The following RCOR1 variants were observed in gnomAD, a reference collection of about 807,000 sequenced individuals.
The protein encoded by RCOR1 is REST corepressor.
A neutral mutation model predicts 64.0 loss-of-function variants in RCOR1; 12 were observed. That is an observed-to-expected ratio of 0.19 (90% CI 0.12 to 0.30). RCOR1 has a LOEUF of 0.30. Among genes scored for constraint, RCOR1 ranks in the 10% least tolerant of loss-of-function variants. RCOR1 has a pLI of 1.00. For synonymous variants in RCOR1, 279 were observed against 227.2 expected (o/e 1.23, Z -2.05); for missense variants, 502 against 621.2 (o/e 0.81, Z 2.04).
chr14:102,673,637 CAG>C (rs1429592298), intron 2 of RCOR1, among the ~76,000 whole-genome samples: 2 of 148,226 alleles, frequency 1.3e-5, no homozygotes, highest in East Asian at 2.0e-4. Flanking sequence ...TCACGTGAGA[CAG>C]AGTTTCACTC....
intron 2 of RCOR1, among the ~76,000 whole-genome samples, chr14:102,653,651 T>C (rs559483703): frequency 6.6e-6 from 1 of 152,186 alleles, no homozygotes; most frequent in African/African-American, 2.4e-5. Context: ...ATATCCCCCT[T>C]GGTGCTATTT....
rs772732625 is a variant in RCOR1 at position 102,593,083 on chromosome 14, A to C, written c.197A>C (p.Asn66Thr). Reference protein sequence around the residue: ...AAAASAAAAPNNGQNKSLAAA... With the variant: ...AAAASAAAAPTNGQNKSLAAA... Reference sequence around the variant, plus strand: ...GCCGCCTCAGCCGCCGCCGCCCCCAATAATGGCCAGAATAAAAGTTTGGCG... The same window carrying C: ...GCCGCCTCAGCCGCCGCCGCCCCCACTAATGGCCAGAATAAAAGTTTGGCG... Residue 66 changes from asparagine (N) to threonine (T), a missense_variant, in exon 1 of 12, where the codon AAT (asparagine) becomes ACT (threonine). Transcript: ENST00000262241. 6.8e-7 allele frequency: 1 copy of C among 1,460,374 alleles called. No individual in the cohort carries two copies. The highest frequency in any genetic ancestry group is 2.7e-5 in the Admixed American group (1 of 37,230). 90.5% of individuals were successfully genotyped at this position (1,460,374 alleles called of 1,614,324 possible).
At chr14:102,641,804 G>T (rs1894375657) in intron 2 of RCOR1, among the ~76,000 whole-genome samples, 1 of 152,118 alleles carries the variant, frequency 6.6e-6, no homozygotes, top group Non-Finnish European at 1.5e-5. Context: ...CTTCTGTCTA[G>T]CCCCCTCCTG....
At chr14:102,602,929 C>T (rs1893433126) in intron 2 of RCOR1, among the ~76,000 whole-genome samples, 1 of 152,140 alleles carries the variant, frequency 6.6e-6, no homozygotes, top group East Asian at 1.9e-4. Flanking sequence ...TGGTCTCCAA[C>T]TCCTGGGCTC....
chr14:102,694,739 G>GCATTGGTGGGTCTGTACCCACCAAGTAAA (rs1895610124), intron 3 of RCOR1, among the ~76,000 whole-genome samples: 1 of 152,182 alleles, frequency 6.6e-6, no homozygotes, highest in East Asian at 1.9e-4. Context: ...CCCACCAGGT[G>GCATTGGTGGGTCTGTACCCACCAAGTAAA]GCACAATTGC....
At chr14:102,671,855 A>G (rs139898054) in intron 2 of RCOR1, among the ~76,000 whole-genome samples, 1,560 of 152,308 alleles carry the variant, frequency 0.01, 16 homozygotes, top group Admixed American at 0.015. Flanking sequence ...TGTTATTTCA[A>G]ATGCCCTACA....
At chr14:102,695,011 G>A (rs1426505334) in intron 3 of RCOR1, among the ~76,000 whole-genome samples, 1 of 152,164 alleles carries the variant, frequency 6.6e-6, no homozygotes, top group Admixed American at 6.5e-5. Context: ...TATGGTGCCA[G>A]CCTATTGCTT....
chr14:102,601,257 C>T (rs192631438), intron 2 of RCOR1, among the ~76,000 whole-genome samples: 1 of 151,948 alleles, frequency 6.6e-6, no homozygotes, highest in East Asian at 2.0e-4. Context: ...AGGTGATTGA[C>T]CCGCCTTGGC....
At chr14:102,603,080 T>A (rs934841692) in intron 2 of RCOR1, among the ~76,000 whole-genome samples, 1 of 151,252 alleles carries the variant, frequency 6.6e-6, no homozygotes, top group Non-Finnish European at 1.5e-5. Flanking sequence ...TTTAAGACCT[T>A]TTTTTTCCCC....
intron 2 of RCOR1, among the ~76,000 whole-genome samples, chr14:102,612,588 G>T (rs1023639848): frequency 6.6e-6 from 1 of 151,908 alleles, no homozygotes; most frequent in Non-Finnish European, 1.5e-5. Context: ...CACCTGCTTC[G>T]GCCTCCCAAA....
intron 2 of RCOR1, among the ~76,000 whole-genome samples, chr14:102,650,242 C>T (rs1002782787): frequency 1.1e-4 from 17 of 149,324 alleles, no homozygotes; most frequent in African/African-American, 4.2e-4. Flanking sequence ...GGCATGGTGG[C>T]TGGTGCCCAT....
chr14:102,642,170 T>C (rs1894383474), intron 2 of RCOR1, among the ~76,000 whole-genome samples: 2 of 152,196 alleles, frequency 1.3e-5, no homozygotes, highest in South Asian at 2.1e-4. Context: ...CTGTGTCCAT[T>C]GTCCTTTCAG....
At chr14:102,636,790 T>G (rs1894248751) in intron 2 of RCOR1, among the ~76,000 whole-genome samples, 1 of 151,704 alleles carries the variant, frequency 6.6e-6, no homozygotes. Flanking sequence ...GCCAACATGG[T>G]GAAACCCCCG....
chr14:102,660,978 G>A (rs1894814595), intron 2 of RCOR1, among the ~76,000 whole-genome samples: 1 of 152,118 alleles, frequency 6.6e-6, no homozygotes, highest in Non-Finnish European at 1.5e-5. Context: ...TTTTCAAAGG[G>A]ATAAAGCACT....
chr14:102,651,560 A>C (rs1246611828), intron 2 of RCOR1, among the ~76,000 whole-genome samples: 1 of 152,028 alleles, frequency 6.6e-6, no homozygotes, highest in Non-Finnish European at 1.5e-5. Context: ...CTCAAAAAAA[A>C]AAAAGAAAAA....
chr14:102,660,827 C>G (rs550244116), intron 2 of RCOR1, among the ~76,000 whole-genome samples: 1 of 152,162 alleles, frequency 6.6e-6, no homozygotes, highest in African/African-American at 2.4e-5. Context: ...TAATTTTCAT[C>G]CTTTCATCTA....
intron 11 of RCOR1, among the ~76,000 whole-genome samples, chr14:102,723,902 A>T (rs538817602): frequency 6.6e-6 from 1 of 152,298 alleles, no homozygotes; most frequent in East Asian, 1.9e-4. Context: ...GGGCTGGCAT[A>T]ACAAATCTCA....
intron 4 of RCOR1, among the ~76,000 whole-genome samples, chr14:102,705,130 AC>A (rs898138467): frequency 6.6e-5 from 10 of 151,884 alleles, no homozygotes; most frequent in Admixed American, 2.0e-4. Flanking sequence ...AACAACAACA[AC>A]AAAAAAAAAG....
chr14:102,619,517 G>T (rs576002009), intron 2 of RCOR1, among the ~76,000 whole-genome samples: 17 of 138,532 alleles, frequency 1.2e-4, no homozygotes, highest in Non-Finnish European at 2.0e-4. Context: ...TTCTTGCTCT[G>T]TTGCCCAGGC....
Sources: allele counts gnomAD v4.1 joint callset (sites outside exome capture counted in the v4.1 genomes callset), GRCh38; gene constraint gnomAD v4.1.1; transcripts MANE v1.5; gene names NCBI Gene and HGNC (gene_info 2026-07-23, HGNC 2026-07-21).